The following PCLO variants were observed in gnomAD, a reference collection of about 807,000 sequenced individuals.
The protein encoded by PCLO is piccolo presynaptic cytomatrix protein, also known as protein piccolo.
PCLO carries 82 observed loss-of-function variants against 427.5 expected under a neutral mutation model. That is an observed-to-expected ratio of 0.19 (90% CI 0.16 to 0.23). The LOEUF is 0.23. PCLO is among the 10% of genes least tolerant of loss of function. The pLI is 1.00. For missense variants in PCLO, 6,239 were observed against 6,115.9 expected (o/e 1.02, Z -0.67); for synonymous variants, 2,357 against 2,155.4 (o/e 1.09, Z -2.59).
At chr7:83,150,553 G>C (rs534944628) in intron 2 of PCLO, among the ~76,000 whole-genome samples, 1 of 152,262 alleles carries the variant, frequency 6.6e-6, no homozygotes, top group East Asian at 1.9e-4. Context: ...TTGGAACTAA[G>C]GGAGTAAACA....
At position 82,919,169 on chromosome 7, in the gene PCLO, T is replaced by C. The variant is rs577981268; in HGVS notation, c.11113-2296A>G. ...TATTGATGGGTGCCGCAAACCACCA[T>C]GGCACGTGTATACCTAAGTAACAAA... On this transcript the variant is annotated intron_variant, in intron 6 of 24. Transcript: ENST00000333891. Among the ~76,000 whole-genome samples, 79 of 152,102 alleles carry C rather than the reference T, an allele frequency of 5.2e-4. 1 individual carries two copies. The South Asian group carries it at 0.015, about 30-fold the overall frequency.
At chr7:83,117,391 A>G (rs1468830472) in intron 3 of PCLO, among the ~76,000 whole-genome samples, 1 of 152,176 alleles carries the variant, frequency 6.6e-6, no homozygotes, top group African/African-American at 2.4e-5. Flanking sequence ...CTAGGTCTAT[A>G]TATTTAGCAT....
At chr7:82,971,712 G>T in intron 3 of PCLO, among the ~76,000 whole-genome samples, 1 of 147,268 alleles carries the variant, frequency 6.8e-6, no homozygotes, top group East Asian at 2.0e-4. Flanking sequence ...AAAAGTAATG[G>T]AAAAAGCCAC....
Position 83,074,011 on chromosome 7 carries a change from C to A in PCLO, c.3300+60239G>T, listed in dbSNP as rs187805859. 6.5e-4 allele frequency among the ~76,000 whole-genome samples: 98 copies of A among 151,876 alleles called. No individual in the cohort carries two copies. In the East Asian group the frequency reaches 0.018, roughly 27 times the overall value. ...AAATATAGAAAATTAATTCAGCATA[C>A]TATTAAATACAAATTAAACACATAT... On this transcript the variant is annotated intron_variant, in intron 3 of 24. Coordinates refer to ENST00000333891, the MANE Select transcript of PCLO (RefSeq NM_033026.6).
rs1793220434 is a variant in PCLO, at chr7:82,870,993, C to G, written c.13654+8344G>C. Among the ~76,000 whole-genome samples the G allele has an allele frequency of 2.6e-5, 4 of 151,906 alleles. No homozygotes were observed. In the South Asian group the frequency reaches 8.3e-4, roughly 31 times the overall value. On this transcript the variant is annotated intron_variant, in intron 10 of 24. Coordinates refer to ENST00000333891, the MANE Select transcript of PCLO (RefSeq NM_033026.6). ...GCAAAGACTTGAAGAAAGAGAAATG[C>G]TCATACACTGTTTGTGGCCATGTAA...
intron 2 of PCLO, among the ~76,000 whole-genome samples, chr7:83,142,468 G>A (rs898716839): frequency 3.3e-5 from 5 of 152,102 alleles, no homozygotes; most frequent in Non-Finnish European, 4.4e-5. Context: ...TTATGTAAAT[G>A]CTATCCATCT....
chr7:82,770,317 A>G (rs73708612), intron 22 of PCLO, among the ~76,000 whole-genome samples: 9,657 of 152,054 alleles, frequency 0.064, 710 homozygotes, highest in African/African-American at 0.18. Flanking sequence ...ACAATGTGAT[A>G]TTTGATATGT....
intron 22 of PCLO, among the ~76,000 whole-genome samples, chr7:82,794,848 A>G (rs1791193054): frequency 6.6e-6 from 1 of 152,056 alleles, no homozygotes; most frequent in African/African-American, 2.4e-5. Context: ...ATCCTTATTT[A>G]GTATAGTGAT....
intron 9 of PCLO, among the ~76,000 whole-genome samples, chr7:82,887,056 T>TA (rs1468524376): frequency 1.3e-5 from 2 of 152,192 alleles, no homozygotes; most frequent in African/African-American, 2.4e-5. Context: ...AAAGAGAAAG[T>TA]AACACTTGCA....
chr7:83,128,046 C>T (rs1378223826), intron 3 of PCLO, among the ~76,000 whole-genome samples: 1 of 151,914 alleles, frequency 6.6e-6, no homozygotes, highest in Non-Finnish European at 1.5e-5. Context: ...GCAATAGTAA[C>T]AACAATATTT....
intron 2 of PCLO, among the ~76,000 whole-genome samples, chr7:83,142,548 GTTTTTCAACTA>G (rs2116641814): frequency 6.6e-6 from 1 of 152,254 alleles, no homozygotes; most frequent in East Asian, 1.9e-4. Context: ...AACATCTGCT[GTTTTTCAACTA>G]TTACAGTACC....
chr7:82,981,248 A>G (rs775586960), intron 3 of PCLO, among the ~76,000 whole-genome samples: 9 of 152,040 alleles, frequency 5.9e-5, no homozygotes, highest in Non-Finnish European at 8.8e-5. Flanking sequence ...CCATTAAAAA[A>G]AAAAAAGATT....
chr7:83,050,086 A>G (rs1033864349), intron 3 of PCLO, among the ~76,000 whole-genome samples: 2 of 151,186 alleles, frequency 1.3e-5, no homozygotes, highest in Non-Finnish European at 3.0e-5. Flanking sequence ...GATTCCAATC[A>G]TTAATATTGT....
chr7:83,121,694 A>C (rs1791283903), intron 3 of PCLO, among the ~76,000 whole-genome samples: 1 of 151,816 alleles, frequency 6.6e-6, no homozygotes, highest in East Asian at 1.9e-4. Flanking sequence ...ATTTCATGCA[A>C]ATGAAAACAA....
chr7:83,108,176 C>G (rs1236016527), intron 3 of PCLO, among the ~76,000 whole-genome samples: 1 of 151,938 alleles, frequency 6.6e-6, no homozygotes, highest in Non-Finnish European at 1.5e-5. Context: ...AGAAAAAAAT[C>G]TCTAAGAATA....
At chr7:82,938,963 G>A (rs1014685703) in intron 6 of PCLO, among the ~76,000 whole-genome samples, 25 of 151,916 alleles carry the variant, frequency 1.6e-4, no homozygotes, top group Non-Finnish European at 1.5e-5. Context: ...GTCTTAAAAC[G>A]TAAATGTAAA....
chr7:82,845,375 AT>A lies in PCLO; in HGVS notation c.13941del (p.Ser4648LeufsTer26). The A allele has an allele frequency of 6.2e-7, 1 of 1,613,376 alleles. No homozygotes were observed. Among genetic ancestry groups the A allele is most frequent in the Non-Finnish European group, 8.5e-7 (1 of 1,179,602 alleles). ...GATGTAGGACCTGAATGAACATGAG[AT>A]CCTTTTTCAACAACTGATGACAGAA... is the stretch of plus-strand genomic sequence containing the variant. Reference protein sequence around the residue: ...PLVLSSVVEKGSHVHSGPTSA... With the variant: ...PLVLSSVVEKXSHVHSGPTSA... On this transcript the variant is annotated frameshift_variant, in exon 13 of 25. Coordinates refer to ENST00000333891, the MANE Select transcript of PCLO (RefSeq NM_033026.6). LOFTEE classifies it high-confidence loss of function.
rs868179705 is a variant in PCLO, at chr7:83,162,480, G to A, written c.113C>T (p.Pro38Leu). 1 of 1,580,326 alleles carries A rather than the reference G, an allele frequency of 6.3e-7. No homozygotes were observed. The highest frequency in any genetic ancestry group is 1.2e-5 in the South Asian group (1 of 86,540). Residue 38 changes from proline (P) to leucine (L), a missense_variant, in exon 1 of 25, where the codon CCG becomes CTG. Pro to Leu is a moderately conservative substitution (Grantham distance 98). Transcript: ENST00000333891. Reference protein sequence around the residue: ...GAGSPSHTAIPAGMEADLSQL... With the variant: ...GAGSPSHTAILAGMEADLSQL... Reference sequence around the variant, plus strand: ...GCTCAAATCCGCCTCCATGCCGGCCGGGATCGCGGTGTGAGAGGGGCTCCC... The same window carrying A: ...GCTCAAATCCGCCTCCATGCCGGCCAGGATCGCGGTGTGAGAGGGGCTCCC...
rs1227483858 is a variant in PCLO, at chr7:82,966,274, T to C, written c.3514A>G (p.Ile1172Val). The C allele has an allele frequency of 1.2e-6, 2 of 1,612,594 alleles. No individual in the cohort carries two copies. The highest frequency in any genetic ancestry group is 1.1e-5 in the South Asian group (1 of 90,854). Residue 1172 changes from isoleucine (I) to valine (V), a missense_variant, in exon 4 of 25, where the codon ATT becomes GTT. By Grantham distance (29) the Ile-to-Val change is conservative. Transcript: ENST00000333891. ...AGTGTTTCCTTTACTTTTTCCAGAA[T>C]GACTTTTTCAGCTTCCGTTTTTACT... is the stretch of plus-strand genomic sequence containing the variant. ...QEVKTEAEKV[I>V]LEKVKETLSM...
Sources: allele counts gnomAD v4.1 joint callset (sites outside exome capture counted in the v4.1 genomes callset), GRCh38; gene constraint gnomAD v4.1.1; transcripts MANE v1.5; gene names NCBI Gene and HGNC (gene_info 2026-07-23, HGNC 2026-07-21).